Variants in RGS7 observed in about 807,000 individuals in gnomAD.
RGS7 encodes regulator of G protein signaling 7.
Under a neutral mutation model 81.1 loss-of-function variants are expected in RGS7, and 27 were observed. The observed-to-expected ratio is 0.33, with a 90% CI of 0.25 to 0.46. The LOEUF (loss-of-function observed/expected upper bound fraction) is 0.46, where lower values mean the gene tolerates loss of function less well. Ranked by LOEUF, RGS7 falls within the 20% of genes least tolerant of loss-of-function variation. The pLI is 1.00. For missense variants in RGS7, 396 were observed against 607.4 expected (o/e 0.65, Z 3.66); for synonymous variants, 208 against 207.7 (o/e 1.00, Z -0.01).
chr1:241,148,250 C>G lies in RGS7; in HGVS notation c.79-49488G>C, dbSNP rs180738138. The stretch of plus-strand genomic sequence containing the variant: ...AATTTTAGAAAAGACAAAATTTTGT[C>G]ATGTTGGCCAGGCCAGTCTTGAACT... On this transcript the variant is annotated intron_variant, in intron 2 of 18. Transcript: ENST00000440928. 1.3e-3 allele frequency among the ~76,000 whole-genome samples: 198 copies of G among 151,934 alleles called. 2 individuals carry two copies. Among genetic ancestry groups the G allele is most frequent in the African/African-American group, 4.7e-3 (193 of 41,458 alleles).
At chr1:241,343,630 T>C (rs534431599) in intron 2 of RGS7, among the ~76,000 whole-genome samples, 11 of 152,218 alleles carry the variant, frequency 7.2e-5, no homozygotes, top group Non-Finnish European at 1.5e-4. Context: ...TTTCTGCTTA[T>C]ATGAGGTACC....
chr1:241,337,046 C>T (rs2082281740), intron 2 of RGS7, among the ~76,000 whole-genome samples: 1 of 152,158 alleles, frequency 6.6e-6, no homozygotes, highest in South Asian at 2.1e-4. Flanking sequence ...CAAATCTTGA[C>T]ACCACCATTT....
intron 3 of RGS7, among the ~76,000 whole-genome samples, chr1:241,089,556 C>T (rs1017262424): frequency 1.1e-4 from 17 of 152,126 alleles, no homozygotes; most frequent in Admixed American, 7.2e-4. Flanking sequence ...AGTTACCCCT[C>T]GATTGATGTA....
At chr1:240,942,402 C>A (rs1422891343) in intron 4 of RGS7, among the ~76,000 whole-genome samples, 1 of 152,152 alleles carries the variant, frequency 6.6e-6, no homozygotes, top group Admixed American at 6.5e-5. Context: ...CTTCTTGCAG[C>A]CTCCTCTTCT....
chr1:241,144,964 T>TGTGTGTGTGTG lies in RGS7; in HGVS notation c.79-46203_79-46202insCACACACACAC, dbSNP rs1479399427. Among the ~76,000 whole-genome samples the TGTGTGTGTGTG allele has an allele frequency of 1.0e-4, 15 of 144,508 alleles. No homozygotes were observed. Among genetic ancestry groups the TGTGTGTGTGTG allele is most frequent in the African/African-American group, 3.5e-4 (13 of 36,928 alleles). 94.8% of individuals were successfully genotyped at this position (144,508 alleles called of 152,430 possible). ...GTGTGTGTGTGTGTGTGTGTGTGTG[T>TGTGTGTGTGTG]TCGTGTTCATTCTTCCTGTTCCTGT... On this transcript the variant is annotated intron_variant, in intron 2 of 18. Coordinates refer to ENST00000440928, the MANE Select transcript of RGS7 (RefSeq NM_001364886.1). This position sits in a 1 kb window ranked among gnomAD's most constrained non-coding sequence, Gnocchi z 4.7.
chr1:240,985,300 G>A (rs376519119), intron 3 of RGS7, among the ~76,000 whole-genome samples: 1 of 152,192 alleles, frequency 6.6e-6, no homozygotes, highest in African/African-American at 2.4e-5. Context: ...GCAGCCACTG[G>A]AAATTTTCCA....
At chr1:241,335,073 G>T (rs1172232479) in intron 2 of RGS7, among the ~76,000 whole-genome samples, 1 of 152,120 alleles carries the variant, frequency 6.6e-6, no homozygotes, top group African/African-American at 2.4e-5. Context: ...AAACAGCACA[G>T]CAAAAAACTG....
intron 2 of RGS7, among the ~76,000 whole-genome samples, chr1:241,228,542 G>GA (rs2075463904): frequency 6.6e-6 from 1 of 152,170 alleles, no homozygotes; most frequent in African/African-American, 2.4e-5. Context: ...CCAACTAGAT[G>GA]ATAGAATCAT....
chr1:240,956,141 C>T (rs1680373681), intron 4 of RGS7, among the ~76,000 whole-genome samples: 1 of 152,094 alleles, frequency 6.6e-6, no homozygotes, highest in African/African-American at 2.4e-5. Context: ...AAAGCTAACG[C>T]AATTGTCTTC....
intron 2 of RGS7, among the ~76,000 whole-genome samples, chr1:241,140,148 G>A (rs2067827738): frequency 6.6e-6 from 1 of 152,198 alleles, no homozygotes; most frequent in South Asian, 2.1e-4. Flanking sequence ...ACACAGGCAG[G>A]TAGAGAGCAA....
At chr1:240,827,211 G>T in intron 9 of RGS7, 39 bp from the exon 10 acceptor site, 1 of 1,527,066 alleles carries the variant, frequency 6.5e-7, no homozygotes, top group Middle Eastern at 1.7e-4. Context: ...GAATCTTTGG[G>T]TGTGAAATTT....
intron 2 of RGS7, among the ~76,000 whole-genome samples, chr1:241,240,232 C>G (rs1252479094): frequency 6.6e-6 from 1 of 152,158 alleles, no homozygotes; most frequent in Non-Finnish European, 1.5e-5. Context: ...GACACTGACA[C>G]AGGCAAGTCC....
At chr1:241,060,679 A>G (rs949475551) in intron 3 of RGS7, among the ~76,000 whole-genome samples, 1 of 152,198 alleles carries the variant, frequency 6.6e-6, no homozygotes, top group Non-Finnish European at 1.5e-5. Context: ...TATAGGGCCC[A>G]GTCAAACATC....
chr1:240,879,742 A>C (rs1374531479), intron 6 of RGS7, among the ~76,000 whole-genome samples: 1 of 152,200 alleles, frequency 6.6e-6, no homozygotes, highest in Non-Finnish European at 1.5e-5. Context: ...GCTTCCCTCC[A>C]TAAATGATGG....
intron 2 of RGS7, among the ~76,000 whole-genome samples, chr1:241,116,459 G>A (rs2065891795): frequency 1.3e-5 from 2 of 152,078 alleles, no homozygotes; most frequent in South Asian, 4.2e-4. Flanking sequence ...CTCCTAGCAG[G>A]CTCTGGCTGC....
chr1:240,861,047 T>C (rs1385974907), intron 9 of RGS7, among the ~76,000 whole-genome samples: 1 of 152,192 alleles, frequency 6.6e-6, no homozygotes, highest in Non-Finnish European at 1.5e-5. Context: ...AGGTTTAGGA[T>C]AGGGAATTGA....
chr1:240,870,001 C>T, intron 7 of RGS7, 54 bp downstream of exon 7: 1 of 1,392,342 alleles, frequency 7.2e-7, no homozygotes, highest in Non-Finnish European at 1.0e-6. Context: ...AGGCTGTGGG[C>T]CTTACTGCTG....
At chr1:241,008,430 T>C (rs948267025) in intron 3 of RGS7, among the ~76,000 whole-genome samples, 8 of 152,192 alleles carry the variant, frequency 5.3e-5, no homozygotes, top group Non-Finnish European at 8.8e-5. Flanking sequence ...GTTGGGAGCC[T>C]GAGATTCTGC....
chr1:241,281,786 T>C (rs1238821791), intron 2 of RGS7, among the ~76,000 whole-genome samples: 1 of 152,222 alleles, frequency 6.6e-6, no homozygotes. Context: ...ATATACAAAA[T>C]ATGCTTTAAT....
Sources: gnomAD v4.1 joint callset for allele counts (sites outside exome capture counted in the v4.1 genomes callset) on GRCh38, gnomAD v4.1.1 for gene constraint, Gnocchi (gnomAD v3.1) non-coding constraint, MANE v1.5 for transcripts, NCBI Gene and HGNC (gene_info 2026-07-23, HGNC 2026-07-21) for gene names.